PPARGC1B: variants seen among roughly 807,000 people sequenced by gnomAD.
The protein encoded by PPARGC1B is PPARG coactivator 1 beta.
A neutral mutation model predicts 101.6 loss-of-function variants in PPARGC1B; 34 were observed. The ratio of observed to expected loss-of-function variants is 0.33; its 90% confidence interval spans 0.25 to 0.45. The LOEUF is 0.45. Among genes scored for constraint, PPARGC1B ranks in the 20% least tolerant of loss-of-function variants. PPARGC1B has a pLI of 1.00. For synonymous variants in PPARGC1B, 548 were observed against 539.3 expected (o/e 1.02, Z -0.22); for missense variants, 1,234 against 1,317.6 (o/e 0.94, Z 0.98).
intron 1 of PPARGC1B, among the ~76,000 whole-genome samples, chr5:149,804,165 A>G (rs76546422): frequency 0.016 from 2,445 of 152,342 alleles, 76 homozygotes; most frequent in African/African-American, 0.056. Flanking sequence ...AGCCTTCACG[A>G]TAGTGTGAGG....
At chr5:149,752,693 G>A (rs1331122876) in intron 1 of PPARGC1B, among the ~76,000 whole-genome samples, 1 of 152,174 alleles carries the variant, frequency 6.6e-6, no homozygotes, top group African/African-American at 2.4e-5. Context: ...GCCAGGCGTG[G>A]TGGCAGGTGC....
At chr5:149,735,466 A>G (rs537837083) in intron 1 of PPARGC1B, among the ~76,000 whole-genome samples, 42 of 152,334 alleles carry the variant, frequency 2.8e-4, no homozygotes, top group Admixed American at 1.3e-4. Context: ...GGAAATGCCT[A>G]ACAAGAATAT....
rs1361253118 is a variant in PPARGC1B, at chr5:149,832,991, A to G, written c.918A>G (p.Pro306=). The G allele has an allele frequency of 3.1e-6, 5 of 1,613,250 alleles. No homozygotes were observed. The highest frequency in any genetic ancestry group is 1.3e-5 in the African/African-American group (1 of 74,844). The part of the protein sequence containing the change: ...TYCLPQRKLP[P]QTPEPLPKAC... ...GCCTCCCCCAGAGGAAGCTGCCCCCACAGACCCCTGAGCCACTCCCCAAGG... is the reference window on the plus strand; with the variant it reads ...GCCTCCCCCAGAGGAAGCTGCCCCCGCAGACCCCTGAGCCACTCCCCAAGG... The change falls in exon 5 of 12, where the codon CCA becomes CCG. Residue 306 remains proline, a synonymous_variant. Coordinates refer to ENST00000309241, the MANE Select transcript of PPARGC1B (RefSeq NM_133263.4). This position sits in a 1 kb window ranked among gnomAD's most constrained non-coding sequence, Gnocchi z 4.9.
intron 2 of PPARGC1B, among the ~76,000 whole-genome samples, chr5:149,825,223 C>G (rs570395048): frequency 4.6e-5 from 7 of 152,394 alleles, no homozygotes; most frequent in Admixed American, 4.6e-4. Flanking sequence ...TATGGTTCAT[C>G]TGTGCATGGG....
chr5:149,796,219 G>A (rs1336763012), intron 1 of PPARGC1B, among the ~76,000 whole-genome samples: 1 of 152,184 alleles, frequency 6.6e-6, no homozygotes, highest in African/African-American at 2.4e-5. Context: ...AGTCGGTGGA[G>A]TAGGGGGGGC....
intron 8 of PPARGC1B, among the ~76,000 whole-genome samples, chr5:149,838,001 C>T (rs1442473862): frequency 6.6e-6 from 1 of 152,042 alleles, no homozygotes; most frequent in African/African-American, 2.4e-5. Context: ...CAGGGATTGG[C>T]GTTTCCAACA....
intron 1 of PPARGC1B, among the ~76,000 whole-genome samples, chr5:149,774,722 A>C (rs1756288824): frequency 6.6e-6 from 1 of 151,638 alleles, no homozygotes; most frequent in Admixed American, 6.6e-5. Flanking sequence ...GCAGGCCTGA[A>C]CCTCACCCCC....
At chr5:149,776,839 C>T (rs931063657) in intron 1 of PPARGC1B, among the ~76,000 whole-genome samples, 1 of 152,216 alleles carries the variant, frequency 6.6e-6, no homozygotes, top group African/African-American at 2.4e-5. Context: ...GGAAATGGCC[C>T]CGTAACCTTT....
At chr5:149,817,190 C>G (rs534255576) in intron 1 of PPARGC1B, among the ~76,000 whole-genome samples, 2 of 152,198 alleles carry the variant, frequency 1.3e-5, no homozygotes, top group African/African-American at 4.8e-5. Flanking sequence ...TTTTTCCTGA[C>G]ATTCCATCTG....
intron 1 of PPARGC1B, among the ~76,000 whole-genome samples, chr5:149,814,220 C>T (rs549929860): frequency 3.9e-5 from 6 of 152,290 alleles, no homozygotes; most frequent in East Asian, 3.9e-4. Flanking sequence ...CAGTGTTAAC[C>T]GCAAAGCCAG....
chr5:149,806,915 A>T (rs4705383), intron 1 of PPARGC1B, among the ~76,000 whole-genome samples: 16,911 of 130,006 alleles, frequency 0.13, 1,271 homozygotes, highest in Admixed American at 0.29. Flanking sequence ...CCAACTTTTT[A>T]AAAAAAATTG....
In PPARGC1B at chr5:149,832,756, A is replaced by G; in HGVS notation, c.683A>G (p.Gln228Arg). Residue 228 changes from glutamine (Q) to arginine (R), a missense_variant, in exon 5 of 12, where the codon CAG (glutamine) becomes CGG (arginine). Around this residue, in one of 3 missense-constraint regions of PPARGC1B, gnomAD observed 734 missense variants for 768.4 expected, o/e 0.96. Coordinates refer to ENST00000309241, the MANE Select transcript of PPARGC1B (RefSeq NM_133263.4). The surrounding 1 kb of genome is among the most constrained non-coding windows in gnomAD (Gnocchi z 4.9). ...CTCACCTCGGCACAGTGCTGCCTGC[A>G]GGATCGGGGTCTGCAGCCACCATGC... Reference protein sequence around the residue: ...KHLTSAQCCLQDRGLQPPCLQ... With the variant: ...KHLTSAQCCLRDRGLQPPCLQ... 1 of 1,612,412 alleles carries G rather than the reference A, an allele frequency of 6.2e-7. No individual in the cohort carries two copies. Among genetic ancestry groups the G allele is most frequent in the Non-Finnish European group, 8.5e-7 (1 of 1,178,970 alleles).
intron 2 of PPARGC1B, among the ~76,000 whole-genome samples, chr5:149,821,329 G>A (rs1160467751): frequency 6.6e-6 from 1 of 152,178 alleles, no homozygotes; most frequent in Admixed American, 6.5e-5. Context: ...AGCCTCAGGG[G>A]CATGTAATGG....
Position 149,834,659 on chromosome 5 carries a change from G to A in PPARGC1B, c.1706-15G>A. The A allele has an allele frequency of 6.2e-7, 1 of 1,612,620 alleles. No individual in the cohort carries two copies. The highest frequency in any genetic ancestry group is 8.5e-7 in the Non-Finnish European group (1 of 1,178,732). On this transcript the variant is annotated splice_polypyrimidine_tract_variant and intron_variant, in intron 5 of 11. Transcript: ENST00000309241. ...CCATATTGGGGAATCTTATTTTTCT[G>A]TGTCTTCTTTTCAGACTCTCCCAGG...
chr5:149,791,776 A>G (rs941084368), intron 1 of PPARGC1B, among the ~76,000 whole-genome samples: 2 of 152,366 alleles, frequency 1.3e-5, no homozygotes, highest in African/African-American at 4.8e-5. Context: ...CCTGGTGTCC[A>G]GCAGTACCCT....
In PPARGC1B at chr5:149,833,381, A is replaced by G. The variant is rs755561950; in HGVS notation, c.1308A>G (p.Glu436=). ...LQQQEEEDEE[E]EEEEEEEEKE... ...AGCAGGAGGAGGAAGACGAGGAAGA[A>G]GAGGAGGAGGAAGAGGAAGAAGAAA... Residue 436 remains glutamate, a synonymous_variant, in exon 5 of 12, where the codon GAA becomes GAG. Transcript: ENST00000309241. This position sits in a 1 kb window ranked among gnomAD's most constrained non-coding sequence, Gnocchi z 4.1. 1 of 1,613,268 alleles carries G rather than the reference A, an allele frequency of 6.2e-7. No homozygotes were observed. Among genetic ancestry groups the G allele is most frequent in the African/African-American group, 1.3e-5 (1 of 75,058 alleles).
At chr5:149,756,954 C>T (rs1281002106) in intron 1 of PPARGC1B, among the ~76,000 whole-genome samples, 6 of 152,184 alleles carry the variant, frequency 3.9e-5, no homozygotes, top group Non-Finnish European at 7.3e-5. Context: ...CATCCAACCC[C>T]TGTTCAGTAA....
Position 149,833,465 on chromosome 5 carries a change from G to C in PPARGC1B, c.1392G>C (p.Lys464Asn), listed in dbSNP as rs964191157. The change falls in exon 5 of 12, where the codon AAG becomes AAC. Residue 464 changes from lysine to asparagine, a missense_variant. This residue lies in a region of PPARGC1B where 734 missense variants were observed against 768.4 expected (regional missense o/e 0.96). Coordinates refer to ENST00000309241, the MANE Select transcript of PPARGC1B (RefSeq NM_133263.4). This position sits in a 1 kb window ranked among gnomAD's most constrained non-coding sequence, Gnocchi z 4.1. ...KRPGRGLPWT[K>N]LGRKLESSVC... ...CAGGCCGAGGCCTGCCATGGACGAA[G>C]CTGGGGAGGAAGCTGGAGAGCTCTG... 28 of 1,570,434 alleles carry C rather than the reference G, an allele frequency of 1.8e-5. No individual in the cohort carries two copies. Among genetic ancestry groups the C allele is most frequent in the Non-Finnish European group, 2.2e-5 (26 of 1,157,664 alleles).
At chr5:149,765,072 A>G (rs149734464) in intron 1 of PPARGC1B, among the ~76,000 whole-genome samples, 4,376 of 151,148 alleles carry the variant, frequency 0.029, 212 homozygotes, top group African/African-American at 0.096. Context: ...TCCTTTACCA[A>G]CTCCCTGGGG....
Sources: allele counts gnomAD v4.1 joint callset (sites outside exome capture counted in the v4.1 genomes callset), GRCh38; gene constraint gnomAD v4.1.1; regional missense constraint gnomAD v4.1.1; non-coding constraint Gnocchi (gnomAD v3.1); transcripts MANE v1.5; gene names NCBI Gene and HGNC (gene_info 2026-07-23, HGNC 2026-07-21).